The following LEPR variants were observed in gnomAD, a reference collection of about 807,000 sequenced individuals.
LEPR encodes OB receptor.
A neutral mutation model predicts 114.7 loss-of-function variants in LEPR; 56 were observed. The observed-to-expected ratio is 0.49, with a 90% CI of 0.39 to 0.61. The LOEUF is 0.61. Among genes scored for constraint, LEPR ranks in the 20% least tolerant of loss-of-function variants. The pLI is 0.00. For missense variants in LEPR, 1,202 were observed against 1,352.9 expected (o/e 0.89, Z 1.75); for synonymous variants, 443 against 461.4 (o/e 0.96, Z 0.51).
At chr1:65,465,329 G>T (rs143397435) in intron 2 of LEPR, among the ~76,000 whole-genome samples, 2,641 of 152,294 alleles carry the variant, frequency 0.017, 58 homozygotes, top group South Asian at 0.091. Context: ...ATGTAGTTGT[G>T]TGGTTTTGAG....
At chr1:65,552,892 C>A (rs1354516481) in intron 2 of LEPR, among the ~76,000 whole-genome samples, 1 of 152,126 alleles carries the variant, frequency 6.6e-6, no homozygotes, top group Non-Finnish European at 1.5e-5. Context: ...CCTTCAGGAG[C>A]TCTTTTAAGG....
intron 2 of LEPR, among the ~76,000 whole-genome samples, chr1:65,451,501 G>C (rs1265634116): frequency 1.3e-5 from 2 of 152,034 alleles, no homozygotes; most frequent in African/African-American, 4.8e-5. Context: ...CATATGGCTA[G>C]CCAGTTTTCC....
At chr1:65,599,978 C>T (rs956275576) in intron 8 of LEPR, among the ~76,000 whole-genome samples, 1 of 152,044 alleles carries the variant, frequency 6.6e-6, no homozygotes, top group Non-Finnish European at 1.5e-5. Flanking sequence ...AGCATCTAAT[C>T]ATGTAAAAAT....
intron 2 of LEPR, among the ~76,000 whole-genome samples, chr1:65,542,598 T>C (rs2100669123): frequency 6.6e-6 from 1 of 151,202 alleles, no homozygotes; most frequent in African/African-American, 2.5e-5. Flanking sequence ...TTTCTCCTGG[T>C]GCTATCCCTC....
intron 2 of LEPR, among the ~76,000 whole-genome samples, chr1:65,447,572 C>T (rs1646730000): frequency 6.6e-6 from 1 of 150,432 alleles, no homozygotes; most frequent in Non-Finnish European, 1.5e-5. Flanking sequence ...CACCCTCTCA[C>T]CCAGGCTGGA....
chr1:65,619,995 A>T lies in LEPR; in HGVS notation c.2463A>T (p.Lys821Asn), dbSNP rs780557528. ...CAATATTTATGGAAGGAGTGGGAAA[A>T]CCAAAGATAATTAATAGTTTCACTC... ...LYPIFMEGVG[K>N]PKIINSFTQD... The change falls in exon 17 of 20, where the codon AAA becomes AAT. Residue 821 changes from lysine (K) to asparagine (N), a missense_variant. Transcript: ENST00000349533. 1.9e-6 allele frequency: 3 copies of T among 1,611,796 alleles called. No individual in the cohort carries two copies. The highest frequency in any genetic ancestry group is 1.7e-6 in the Non-Finnish European group (2 of 1,178,274).
rs58102309 is a variant in LEPR, at chr1:65,618,312, C to CCTCTT, written c.2395+182_2395+186dup. ...CTTTATCAAAACATTTAATTCTCTTCCTCTTCTCTTCTCTTCTCTTTTCTT... is the reference window on the plus strand; with the variant it reads ...CTTTATCAAAACATTTAATTCTCTTCCTCTTCTCTTCTCTTCTCTTCTCTTTTCTT... On this transcript the variant is annotated intron_variant, in intron 16 of 19. Coordinates refer to ENST00000349533, the MANE Select transcript of LEPR (RefSeq NM_002303.6). 0.19 allele frequency among the ~76,000 whole-genome samples: 27,804 copies of CCTCTT among 150,204 alleles called. 2,653 individuals are homozygous for CCTCTT. The highest frequency in any genetic ancestry group is 0.25 in the Middle Eastern group (73 of 294).
In LEPR at chr1:65,601,514, G is replaced by A. The variant is rs1264520458; in HGVS notation, c.1117G>A (p.Ala373Thr). 2 of 1,613,726 alleles carry A rather than the reference G, an allele frequency of 1.2e-6. No individual in the cohort carries two copies. The highest frequency in any genetic ancestry group is 8.5e-7 in the Non-Finnish European group (1 of 1,179,726). Residue 373 changes from alanine to threonine, a missense_variant, in exon 9 of 20, where the codon GCT becomes ACT. Transcript: ENST00000349533. The part of the protein sequence containing the change: ...SKEIVWWMNL[A>T]EKIPQSQYDV... Reference sequence around the variant, plus strand: ...AGAGATTGTTTGGTGGATGAATTTAGCTGAGAAAATTCCTCAAAGCCAGTA... The same window carrying A: ...AGAGATTGTTTGGTGGATGAATTTAACTGAGAAAATTCCTCAAAGCCAGTA...
intron 2 of LEPR, among the ~76,000 whole-genome samples, chr1:65,541,743 TAGAC>T (rs988206267): frequency 1.1e-4 from 16 of 152,290 alleles, no homozygotes; most frequent in South Asian, 6.2e-4. Context: ...AAGTGAGAGA[TAGAC>T]AGATGCTTCT....
rs1225206625 is a variant in LEPR at position 65,633,385 on chromosome 1, T to C, written c.2674-2806T>C. Reference sequence around the variant, plus strand: ...AATGTAGATTTGAGTCCAGTTTGGATGTGTGATTAATTTTCAAATCATCTA... The same window carrying C: ...AATGTAGATTTGAGTCCAGTTTGGACGTGTGATTAATTTTCAAATCATCTA... On this transcript the variant is annotated intron_variant, in intron 19 of 19. Transcript: ENST00000349533. This position sits in a 1 kb window ranked among gnomAD's most constrained non-coding sequence, Gnocchi z 4.1. 9 of 1,325,872 alleles carry C rather than the reference T, an allele frequency of 6.8e-6. No individual in the cohort carries two copies. Among genetic ancestry groups the C allele is most frequent in the Non-Finnish European group, 8.7e-6 (9 of 1,039,916 alleles). 82.1% of individuals were successfully genotyped at this position (1,325,872 alleles called of 1,614,324 possible).
intron 2 of LEPR, among the ~76,000 whole-genome samples, chr1:65,445,468 G>T (rs546524955): frequency 1.3e-5 from 2 of 152,046 alleles, no homozygotes; most frequent in Non-Finnish European, 2.9e-5. Flanking sequence ...TCTTGTTCAC[G>T]TATCCACTAT....
In LEPR at chr1:65,450,916, C is replaced by G. The variant is rs1646776493; in HGVS notation, c.-21+25538C>G. 2.0e-5 allele frequency among the ~76,000 whole-genome samples: 3 copies of G among 151,534 alleles called. No individual in the cohort carries two copies. In the South Asian group the frequency reaches 6.3e-4, roughly 32 times the overall value. On this transcript the variant is annotated intron_variant, in intron 2 of 19. Transcript: ENST00000349533. ...CAACAGTGTAAAAGCATTCCTATTT[C>G]TCCACATCCTCTCCAGCACCTGTTG...
intron 2 of LEPR, among the ~76,000 whole-genome samples, chr1:65,529,352 C>G (rs567367044): frequency 4.3e-4 from 66 of 151,840 alleles, no homozygotes; most frequent in African/African-American, 1.5e-3. Flanking sequence ...AATCCCATCT[C>G]TACTAAAAAT....
At chr1:65,473,879 A>G (rs559440428) in intron 2 of LEPR, among the ~76,000 whole-genome samples, 1 of 152,230 alleles carries the variant, frequency 6.6e-6, no homozygotes, top group South Asian at 2.1e-4. Context: ...AGCTATAATT[A>G]TAAGAAATTG....
At chr1:65,592,531 T>G (rs1655775513) in intron 5 of LEPR, 126 bp from the exon 6 acceptor site, 1 of 970,350 alleles carries the variant, frequency 1.0e-6, no homozygotes, top group African/African-American at 1.7e-5. Context: ...GTTTTTTTTT[T>G]TCAGATACCC....
chr1:65,580,994 G>T (rs1654944278), intron 5 of LEPR, among the ~76,000 whole-genome samples: 2 of 152,180 alleles, frequency 1.3e-5, no homozygotes, highest in South Asian at 4.1e-4. Context: ...TCCAGGTCAT[G>T]CTTGGAGTTT....
intron 4 of LEPR, among the ~76,000 whole-genome samples, chr1:65,571,107 ATAT>A (rs1231775950): frequency 1.3e-5 from 2 of 152,324 alleles, no homozygotes; most frequent in East Asian, 3.9e-4. Flanking sequence ...ATGACTGATA[ATAT>A]TGTTGAATTG....
intron 2 of LEPR, among the ~76,000 whole-genome samples, chr1:65,452,212 T>C (rs1392380684): frequency 6.6e-6 from 1 of 152,236 alleles, no homozygotes; most frequent in Non-Finnish European, 1.5e-5. Flanking sequence ...TATACAATCC[T>C]GTCGTCTGCA....
At chr1:65,447,534 C>CTTTTTTT (rs576747673) in intron 2 of LEPR, among the ~76,000 whole-genome samples, 1 of 135,630 alleles carries the variant, frequency 7.4e-6, no homozygotes, top group African/African-American at 2.7e-5. Flanking sequence ...TTTTTCTTTT[C>CTTTTTTT]TTTTTTTTTT....
Sources: allele counts gnomAD v4.1 joint callset (sites outside exome capture counted in the v4.1 genomes callset), GRCh38; gene constraint gnomAD v4.1.1; non-coding constraint Gnocchi (gnomAD v3.1); transcripts MANE v1.5; gene names NCBI Gene and HGNC (gene_info 2026-07-23, HGNC 2026-07-21).